Variants in HS6ST2 observed in about 807,000 individuals in gnomAD.
The protein encoded by HS6ST2 is heparan sulfate 6-O-sulfotransferase 2, also known as heparan-sulfate 6-O-sulfotransferase 2.
A neutral mutation model predicts 33.0 loss-of-function variants in HS6ST2; 17 were observed. The observed-to-expected ratio is 0.52, with a 90% CI of 0.35 to 0.77. The LOEUF (loss-of-function observed/expected upper bound fraction) is 0.77, where lower values mean the gene tolerates loss of function less well. HS6ST2 is among the 30% of genes least tolerant of loss of function. HS6ST2 has a pLI of 0.01. For synonymous variants in HS6ST2, 248 were observed against 237.1 expected (o/e 1.05, Z -0.42); for missense variants, 519 against 551.7 (o/e 0.94, Z 0.59).
chrX:132,810,851 T>G (rs2065334157), intron 2 of HS6ST2, among the ~76,000 whole-genome samples: 1 of 112,490 alleles, frequency 8.9e-6, no homozygotes, highest in Non-Finnish European at 1.9e-5. Context: ...AGCCAAGCCC[T>G]GGTTAACCCA....
chrX:132,896,797 T>C (rs760851465), intron 2 of HS6ST2, among the ~76,000 whole-genome samples: 3 of 112,143 alleles, frequency 2.7e-5, no homozygotes, highest in Non-Finnish European at 5.6e-5. Context: ...GTTTTGCTCA[T>C]ATTAGGAACT....
chrX:132,892,621 C>T (rs1042598385), intron 2 of HS6ST2, among the ~76,000 whole-genome samples: 1 of 112,014 alleles, frequency 8.9e-6, no homozygotes, highest in Non-Finnish European at 1.9e-5. Flanking sequence ...GAGTTCGATA[C>T]CAGCCTGGCC....
chrX:132,834,523 T>C (rs1479517026), intron 2 of HS6ST2, among the ~76,000 whole-genome samples: 3 of 112,312 alleles, frequency 2.7e-5, no homozygotes, highest in Non-Finnish European at 5.6e-5. Flanking sequence ...GAAATTGCAC[T>C]TTGGCCAAGT....
chrX:132,653,854 A>G (rs2063711168), intron 4 of HS6ST2, among the ~76,000 whole-genome samples: 1 of 111,775 alleles, frequency 8.9e-6, no homozygotes, highest in Non-Finnish European at 1.9e-5. Flanking sequence ...AACTTTCAAC[A>G]GACACTGCAG....
chrX:132,684,240 T>C (rs1009092333), intron 3 of HS6ST2, among the ~76,000 whole-genome samples: 38 of 102,745 alleles, frequency 3.7e-4, no homozygotes, highest in African/African-American at 1.3e-3. Context: ...TATATATATA[T>C]ATACACACAC....
At chrX:132,816,625 A>C (rs1189184501) in intron 2 of HS6ST2, among the ~76,000 whole-genome samples, 1 of 112,332 alleles carries the variant, frequency 8.9e-6, no homozygotes, top group Non-Finnish European at 1.9e-5. Flanking sequence ...TTTTCTCAAA[A>C]TATTTGCTGG....
chrX:132,856,044 T>G (rs2065849850), intron 2 of HS6ST2, among the ~76,000 whole-genome samples: 1 of 111,693 alleles, frequency 9.0e-6, no homozygotes, highest in Non-Finnish European at 1.9e-5. Context: ...TGCTGTTTAA[T>G]AATTAAACCT....
intron 2 of HS6ST2, among the ~76,000 whole-genome samples, chrX:132,931,612 C>T (rs2066768684): frequency 8.9e-6 from 1 of 111,871 alleles, no homozygotes; most frequent in South Asian, 3.8e-4. Context: ...AACTCCAAAG[C>T]AATGGCTCAG....
At chrX:132,631,489 C>T (rs2063516524) in intron 4 of HS6ST2, among the ~76,000 whole-genome samples, 2 of 110,773 alleles carry the variant, frequency 1.8e-5, no homozygotes, top group Non-Finnish European at 3.8e-5. Context: ...ACTACTAAAG[C>T]CCTGGGTTCC....
At chrX:132,880,961 A>C (rs1201516900) in intron 2 of HS6ST2, among the ~76,000 whole-genome samples, 3 of 109,844 alleles carry the variant, frequency 2.7e-5, no homozygotes, top group East Asian at 2.9e-4. Flanking sequence ...TGCACTCATC[A>C]TTTTTTATGG....
chrX:132,658,326 C>T (rs976021372), intron 4 of HS6ST2, among the ~76,000 whole-genome samples: 3 of 111,941 alleles, frequency 2.7e-5, no homozygotes, highest in African/African-American at 9.7e-5. Context: ...CCGAACAGGG[C>T]CTGGTGCATA....
At chrX:132,681,579 G>A (rs2063971425) in intron 3 of HS6ST2, among the ~76,000 whole-genome samples, 1 of 111,758 alleles carries the variant, frequency 8.9e-6, no homozygotes, top group Admixed American at 9.5e-5. Flanking sequence ...GAGGCCAGGA[G>A]TTTGAGACCA....
intron 2 of HS6ST2, among the ~76,000 whole-genome samples, chrX:132,914,182 C>A (rs1034628632): frequency 6.2e-5 from 7 of 112,419 alleles, no homozygotes; most frequent in African/African-American, 2.3e-4. Context: ...TTCTGCTCTC[C>A]CAGAGGGAGA....
At position 132,628,547 on chromosome X, in the gene HS6ST2, C is replaced by T. The variant is rs1251889441; in HGVS notation, c.1614G>A (p.Arg538=). 6 of 1,208,905 alleles carry T rather than the reference C, an allele frequency of 5.0e-6. No individual in the cohort carries two copies. Among genetic ancestry groups the T allele is most frequent in the African/African-American group, 1.8e-5 (1 of 56,881 alleles). The change falls in exon 5 of 5, where the codon AGG becomes AGA. Residue 538 remains arginine (R), a synonymous_variant. Transcript: ENST00000370833. The part of the protein sequence containing the change: ...YSYAKDLFLQ[R]YQFMRQKEHQ... Reference sequence around the variant, plus strand: ...GCTCTTTCTGCCTCATAAACTGATACCTCTGCAAAAAAAGGTCTTTGGCAT... The same window carrying T: ...GCTCTTTCTGCCTCATAAACTGATATCTCTGCAAAAAAAGGTCTTTGGCAT...
At chrX:132,749,839 CT>C (rs1232306442) in intron 2 of HS6ST2, among the ~76,000 whole-genome samples, 2 of 111,155 alleles carry the variant, frequency 1.8e-5, no homozygotes, top group Non-Finnish European at 3.8e-5. Flanking sequence ...AAAATCTCCC[CT>C]GGAATGAAGC....
intron 2 of HS6ST2, among the ~76,000 whole-genome samples, chrX:132,824,255 C>G (rs2065494091): frequency 8.9e-6 from 1 of 112,062 alleles, no homozygotes; most frequent in Non-Finnish European, 1.9e-5. Context: ...AATGACTACA[C>G]TTCACTATGG....
intron 2 of HS6ST2, among the ~76,000 whole-genome samples, chrX:132,801,141 C>T: frequency 9.0e-6 from 1 of 111,275 alleles, no homozygotes; most frequent in Non-Finnish European, 1.9e-5. Flanking sequence ...GGGGTATACC[C>T]AGAAACCCAT....
intron 2 of HS6ST2, among the ~76,000 whole-genome samples, chrX:132,796,801 G>A (rs1285435795): frequency 1.8e-5 from 2 of 112,342 alleles, no homozygotes; most frequent in Non-Finnish European, 3.7e-5. Context: ...TAAAGTCCCT[G>A]AAAGGGACAA....
chrX:132,776,372 C>T (rs2064958475), intron 2 of HS6ST2, among the ~76,000 whole-genome samples: 1 of 111,957 alleles, frequency 8.9e-6, no homozygotes, highest in African/African-American at 3.2e-5. Context: ...TCTGTGGCAT[C>T]TACATCTTCT....
Sources: allele counts gnomAD v4.1 joint callset (sites outside exome capture counted in the v4.1 genomes callset), GRCh38; gene constraint gnomAD v4.1.1; transcripts MANE v1.5; gene names NCBI Gene and HGNC (gene_info 2026-07-23, HGNC 2026-07-21).